Variants in CNBD1 observed in about 807,000 individuals in gnomAD.
CNBD1 encodes the protein cyclic nucleotide-binding domain-containing protein 1.
Under a neutral mutation model 54.4 loss-of-function variants are expected in CNBD1, and 71 were observed. The ratio of observed to expected loss-of-function variants is 1.30; its 90% CI spans 1.08 to 1.59. The LOEUF (loss-of-function observed/expected upper bound fraction) is 1.59. Ranked by LOEUF, CNBD1 falls within the 40% of genes most tolerant of loss-of-function variation. The pLI, the probability that CNBD1 is intolerant of heterozygous loss-of-function variation, is 0.00. For synonymous variants in CNBD1, 182 were observed against 170.7 expected, an observed-to-expected ratio of 1.07 and a Z score of -0.51; for missense variants, 659 against 518.0, an observed-to-expected ratio of 1.27 and a Z score of -2.64.
At chr8:87,250,202 G>A (rs1361137508) in intron 6 of CNBD1, among the ~76,000 whole-genome samples, 4 of 152,210 alleles carry the variant, frequency 2.6e-5, no homozygotes, top group South Asian at 2.1e-4. Context: ...GCATACTAAT[G>A]GCCAACAGAT....
intron 4 of CNBD1, among the ~76,000 whole-genome samples, chr8:87,160,869 A>G (rs1812844190): frequency 6.6e-6 from 1 of 152,154 alleles, no homozygotes; most frequent in Non-Finnish European, 1.5e-5. Context: ...ATGATTGGCT[A>G]TGTAAAGGTG....
chr8:87,012,416 T>C (rs1809242457), intron 4 of CNBD1, among the ~76,000 whole-genome samples: 1 of 152,180 alleles, frequency 6.6e-6, no homozygotes, highest in African/African-American at 2.4e-5. Context: ...AACCTAACTC[T>C]AGCATAATAT....
intron 4 of CNBD1, among the ~76,000 whole-genome samples, chr8:87,136,087 C>T (rs1812221102): frequency 6.6e-6 from 1 of 151,840 alleles, no homozygotes; most frequent in Non-Finnish European, 1.5e-5. Context: ...ACTTTTTTTG[C>T]TTGGAGAAGA....
chr8:87,185,851 C>T (rs566148882), intron 4 of CNBD1, among the ~76,000 whole-genome samples: 3 of 152,142 alleles, frequency 2.0e-5, no homozygotes, highest in East Asian at 1.9e-4. Flanking sequence ...CTCTGACCCA[C>T]GTAAGTTCCT....
rs1161300794 is a variant in CNBD1 at position 87,322,253 on chromosome 8, G to A, written c.1043-29432G>A. 7.9e-4 allele frequency among the ~76,000 whole-genome samples: 97 copies of A among 123,174 alleles called. 14 individuals carry two copies. Among genetic ancestry groups the A allele is most frequent in the African/African-American group, 1.6e-3 (51 of 32,872 alleles). 80.8% of individuals were successfully genotyped at this position (123,174 alleles called of 152,430 possible). A position where few individuals can be genotyped will look rare whatever the true frequency, so the allele number is the denominator to read the frequency against. On this transcript the variant is annotated intron_variant, in intron 8 of 10. Transcript: ENST00000518476. ...AGTCTTTGCTATTGTGAATAATGCC[G>A]CAATAAACATACGTGTGCATGTGTC...
chr8:86,937,902 T>A (rs1251756456), intron 3 of CNBD1, among the ~76,000 whole-genome samples: 1 of 152,236 alleles, frequency 6.6e-6, no homozygotes, highest in Non-Finnish European at 1.5e-5. Flanking sequence ...AATAGGTTTT[T>A]CTTTTCTACT....
chr8:87,215,769 T>A lies in CNBD1; in HGVS notation c.577+9631T>A, dbSNP rs115732473. Among the ~76,000 whole-genome samples the A allele has an allele frequency of 9.2e-3, 1,398 of 152,252 alleles. 36 individuals carry two copies. The highest frequency in any genetic ancestry group is 0.032 in the African/African-American group (1,345 of 41,540). On this transcript the variant is annotated intron_variant, in intron 5 of 10. Coordinates refer to ENST00000518476, the MANE Select transcript of CNBD1 (RefSeq NM_173538.3). ...AAAAAATTGGGATAATGTTAATCTT[T>A]TAGAGTGTACAATTCAGTGACATTT...
intron 4 of CNBD1, among the ~76,000 whole-genome samples, chr8:86,957,470 T>C (rs1313686816): frequency 1.3e-5 from 2 of 152,210 alleles, no homozygotes; most frequent in Non-Finnish European, 2.9e-5. Flanking sequence ...GGACTTTTTT[T>C]GGTTGGTAGG....
intron 2 of CNBD1, among the ~76,000 whole-genome samples, chr8:86,896,451 T>C (rs1335493832): frequency 6.6e-6 from 1 of 152,140 alleles, no homozygotes; most frequent in Non-Finnish European, 1.5e-5. Context: ...AGTGTATATC[T>C]TTCTATTTAT....
At chr8:87,323,127 T>A (rs1809575971) in intron 8 of CNBD1, among the ~76,000 whole-genome samples, 1 of 124,606 alleles carries the variant, frequency 8.0e-6, no homozygotes, top group Admixed American at 7.9e-5. Context: ...GTATGCAGCA[T>A]TATTTCTGAG....
intron 8 of CNBD1, among the ~76,000 whole-genome samples, chr8:87,321,094 A>G (rs1421610477): frequency 6.8e-6 from 1 of 146,592 alleles, no homozygotes; most frequent in African/African-American, 2.5e-5. Context: ...TCTTTTGTCA[A>G]TATCACTTAG....
At chr8:87,032,254 G>C (rs565051131) in intron 4 of CNBD1, among the ~76,000 whole-genome samples, 1 of 152,248 alleles carries the variant, frequency 6.6e-6, no homozygotes, top group South Asian at 2.1e-4. Flanking sequence ...TTGACCACCT[G>C]TGCAGTTGAA....
intron 5 of CNBD1, among the ~76,000 whole-genome samples, chr8:87,232,248 T>C (rs1451482946): frequency 6.6e-6 from 1 of 152,152 alleles, no homozygotes; most frequent in African/African-American, 2.4e-5. Context: ...CTTGTACAAG[T>C]CCTTTTTGGA....
chr8:86,935,543 A>T (rs1809532895), intron 3 of CNBD1, among the ~76,000 whole-genome samples: 1 of 152,144 alleles, frequency 6.6e-6, no homozygotes, highest in Non-Finnish European at 1.5e-5. Flanking sequence ...AGTTTTCATA[A>T]TATAATCTTT....
At position 87,362,107 on chromosome 8, in the gene CNBD1, C is replaced by A. The variant is rs1334613329; in HGVS notation, c.1303+8321C>A. ...ACTTAAAATCTACTTCAATGACACT[C>A]TTTAGGTTACTTTTCAAAAATGAGC... On this transcript the variant is annotated intron_variant, in intron 10 of 10. Transcript: ENST00000518476. Among the ~76,000 whole-genome samples the A allele has an allele frequency of 3.9e-5, 6 of 152,148 alleles. No homozygotes were observed. In the East Asian group the frequency reaches 1.2e-3, roughly 30 times the overall value.
At position 87,150,252 on chromosome 8, in the gene CNBD1, T is replaced by C. The variant is rs561141639; in HGVS notation, c.432-55741T>C. Among the ~76,000 whole-genome samples the C allele has an allele frequency of 2.6e-5, 4 of 152,248 alleles. No homozygotes were observed. The East Asian group carries it at 7.7e-4, about 29-fold the overall frequency. Reference sequence around the variant, plus strand: ...GGATGGAAAAGAACAAGGCAGGTATTTGATTTAGAAAGCCCATATCATTAG... The same window carrying C: ...GGATGGAAAAGAACAAGGCAGGTATCTGATTTAGAAAGCCCATATCATTAG... On this transcript the variant is annotated intron_variant, in intron 4 of 10. Transcript: ENST00000518476.
At chr8:87,340,617 C>G (rs755988445) in intron 8 of CNBD1, among the ~76,000 whole-genome samples, 3 of 150,336 alleles carry the variant, frequency 2.0e-5, no homozygotes, top group Admixed American at 6.6e-5. Context: ...GTTTTTTTTC[C>G]TTTTGCTTGT....
chr8:87,341,866 C>G (rs1810070590), intron 8 of CNBD1, among the ~76,000 whole-genome samples: 1 of 152,146 alleles, frequency 6.6e-6, no homozygotes, highest in Non-Finnish European at 1.5e-5. Context: ...TATAAATTAC[C>G]CAGTCTTAGA....
At chr8:87,386,305 A>T (rs183409433), downstream of CNBD1, among the ~76,000 whole-genome samples, 1 of 152,188 alleles carries the variant, frequency 6.6e-6, no homozygotes. Context: ...TCAGACGATC[A>T]AACTACTCCG....
Sources: allele counts gnomAD v4.1 joint callset (sites outside exome capture counted in the v4.1 genomes callset), GRCh38; gene constraint gnomAD v4.1.1; transcripts MANE v1.5; gene names NCBI Gene and HGNC (gene_info 2026-07-23, HGNC 2026-07-21).